Variants in SIPA1L3 observed in about 807,000 individuals in gnomAD.
SIPA1L3 encodes signal-induced proliferation-associated 1-like protein 3.
In SIPA1L3, 59 loss-of-function variants were observed where a neutral mutation model predicts 150.1. The ratio of observed to expected loss-of-function variants is 0.39; its 90% confidence interval spans 0.32 to 0.49. The LOEUF (loss-of-function observed/expected upper bound fraction) is 0.49. Among genes scored for constraint, SIPA1L3 ranks in the 20% least tolerant of loss-of-function variants. SIPA1L3 has a pLI of 0.86. For synonymous variants in SIPA1L3, 1,070 were observed against 1,077.6 expected (o/e 0.99, Z 0.14); for missense variants, 2,211 against 2,489.5 (o/e 0.89, Z 2.38).
chr19:37,919,705 CT>C (rs10644508), intron 1 of SIPA1L3, among the ~76,000 whole-genome samples: 95 of 84,246 alleles, frequency 1.1e-3, no homozygotes, highest in South Asian at 2.0e-3. Flanking sequence ...GGCCCTGAGG[CT>C]TTTTTTTTTT....
At chr19:37,937,344 T>C (rs2046609434) in intron 1 of SIPA1L3, among the ~76,000 whole-genome samples, 2 of 152,194 alleles carry the variant, frequency 1.3e-5, no homozygotes, top group Non-Finnish European at 2.9e-5. Flanking sequence ...TGTACCTATG[T>C]GGTACTTCCC....
chr19:38,150,607 A>G (rs569741569), intron 12 of SIPA1L3, among the ~76,000 whole-genome samples: 154 of 144,946 alleles, frequency 1.1e-3, no homozygotes, highest in African/African-American at 3.8e-3. Flanking sequence ...GTCTTGGCTC[A>G]CTGCAACCGC....
At chr19:38,198,261 AC>A in intron 18 of SIPA1L3, 127 bp from the exon 19 acceptor site, 1 of 1,119,100 alleles carries the variant, frequency 8.9e-7, no homozygotes, top group Non-Finnish European at 1.2e-6. Context: ...GCACTCCCAG[AC>A]CCCTTACCCT....
intron 8 of SIPA1L3, among the ~76,000 whole-genome samples, chr19:38,118,615 C>T (rs1970943035): frequency 6.6e-6 from 1 of 151,750 alleles, no homozygotes; most frequent in Non-Finnish European, 1.5e-5. Context: ...CTCACTGCAA[C>T]CTCCGCCTCC....
At chr19:38,079,015 T>C (rs921877766) in intron 2 of SIPA1L3, among the ~76,000 whole-genome samples, 1 of 152,198 alleles carries the variant, frequency 6.6e-6, no homozygotes, top group Non-Finnish European at 1.5e-5. Flanking sequence ...AGAGGCCATC[T>C]GTTCACTCAT....
At chr19:37,937,768 C>T (rs1286661876) in intron 1 of SIPA1L3, among the ~76,000 whole-genome samples, 3 of 44,306 alleles carry the variant, frequency 6.8e-5, no homozygotes, top group East Asian at 6.8e-4. Context: ...AAAAAAAGAC[C>T]AGGCACGGTG....
chr19:38,190,902 G>C (rs184463564), intron 16 of SIPA1L3, among the ~76,000 whole-genome samples: 1 of 152,136 alleles, frequency 6.6e-6, no homozygotes, highest in Non-Finnish European at 1.5e-5. Flanking sequence ...CACACCATAC[G>C]TGTTTCCTGC....
intron 2 of SIPA1L3, among the ~76,000 whole-genome samples, chr19:38,075,813 C>G (rs1969825440): frequency 6.6e-6 from 1 of 150,864 alleles, no homozygotes; most frequent in African/African-American, 2.4e-5. Context: ...AAAGATCTTG[C>G]AGGTGAACCA....
chr19:38,112,458 A>G (rs1356134099), intron 8 of SIPA1L3, among the ~76,000 whole-genome samples: 1 of 152,184 alleles, frequency 6.6e-6, no homozygotes, highest in East Asian at 1.9e-4. Flanking sequence ...ATCAGCCTGC[A>G]GCTGACCTCC....
intron 1 of SIPA1L3, among the ~76,000 whole-genome samples, chr19:37,912,311 G>A (rs2046383436): frequency 6.6e-6 from 1 of 152,098 alleles, no homozygotes; most frequent in Admixed American, 6.5e-5. Context: ...AAACTCTGGG[G>A]CCACATGGTC....
rs1408964088 is a variant in SIPA1L3, at chr19:38,004,017, CAG to C, written c.-378-25071_-378-25070del. ...CTGAACAAAGGAACTACAAACAAGACAGGGGAGGGATGTGGCTGATTGCTCAC... is the reference window on the plus strand; with the variant it reads ...CTGAACAAAGGAACTACAAACAAGACGGGAGGGATGTGGCTGATTGCTCAC... On this transcript the variant is annotated intron_variant, in intron 1 of 21. Coordinates refer to ENST00000222345, the MANE Select transcript of SIPA1L3 (RefSeq NM_015073.3). Among the ~76,000 whole-genome samples, 8 of 151,762 alleles carry C rather than the reference CAG, an allele frequency of 5.3e-5. No individual in the cohort carries two copies. In the South Asian group the frequency reaches 1.0e-3, roughly 20 times the overall value.
chr19:38,089,655 A>G (rs1421255033), intron 4 of SIPA1L3, among the ~76,000 whole-genome samples: 3 of 152,262 alleles, frequency 2.0e-5, no homozygotes, highest in Non-Finnish European at 2.9e-5. Flanking sequence ...CATTCTGAGT[A>G]GAGAAGCCCA....
chr19:38,100,868 G>T (rs375913684), intron 5 of SIPA1L3, among the ~76,000 whole-genome samples, 184 bp from the exon 6 acceptor site: 2 of 152,224 alleles, frequency 1.3e-5, no homozygotes, highest in Non-Finnish European at 2.9e-5. Context: ...TGGAAGGGAG[G>T]GGGAGGGACA....
intron 2 of SIPA1L3, among the ~76,000 whole-genome samples, chr19:38,076,275 C>T (rs529025811): frequency 2.0e-4 from 30 of 152,206 alleles, no homozygotes; most frequent in African/African-American, 7.2e-4. Flanking sequence ...AAAATATACA[C>T]AAATGCATTC....
intron 16 of SIPA1L3, among the ~76,000 whole-genome samples, chr19:38,190,227 TG>T (rs1240673701): frequency 1.2e-3 from 178 of 152,336 alleles, no homozygotes; most frequent in African/African-American, 4.0e-3. Context: ...AGGCCAGGCC[TG>T]CTTCCTCACT....
intron 1 of SIPA1L3, among the ~76,000 whole-genome samples, chr19:38,022,515 T>C (rs1968397251): frequency 1.3e-5 from 2 of 150,992 alleles, no homozygotes; most frequent in South Asian, 4.2e-4. Flanking sequence ...CTGGCTAACA[T>C]GGTGAAACCC....
At position 38,083,041 on chromosome 19, in the gene SIPA1L3, C is replaced by A; in HGVS notation, c.1476C>A (p.Tyr492Ter). Residue 492 changes from tyrosine (Y) to a stop codon, truncating the protein, a stop_gained, in exon 3 of 22, where the codon TAC becomes TAA. Coordinates refer to ENST00000222345, the MANE Select transcript of SIPA1L3 (RefSeq NM_015073.3). LOFTEE classifies it high-confidence loss of function. ...QQRTQSRPRQ[Y>*]SIEHVDLGAR... ...GGACGCAGAGTCGGCCCCGGCAGTA[C>A]AGCATCGAGCATGTGGACCTGGGCG... The A allele has an allele frequency of 6.2e-7, 1 of 1,613,032 alleles. No homozygotes were observed. The highest frequency in any genetic ancestry group is 8.5e-7 in the Non-Finnish European group (1 of 1,180,032).
At chr19:38,038,699 A>G (rs1390270652) in intron 2 of SIPA1L3, among the ~76,000 whole-genome samples, 5 of 152,126 alleles carry the variant, frequency 3.3e-5, no homozygotes, top group African/African-American at 1.2e-4. Flanking sequence ...ACACCCAGGA[A>G]CATCTTCTAC....
In SIPA1L3 at chr19:38,152,748, C is replaced by T. The variant is rs528886734; in HGVS notation, c.3534-92C>T. The T allele has an allele frequency of 1.7e-5, 25 of 1,434,182 alleles. No individual in the cohort carries two copies. The South Asian group carries it at 3.5e-4, about 20-fold the overall frequency. The allele number at this position is 1,434,182 out of a possible 1,614,324, so 88.8% of individuals were successfully genotyped here. A position where few individuals can be genotyped will look rare whatever the true frequency, so the allele number is the denominator to read the frequency against. On this transcript the variant is annotated intron_variant, in intron 12 of 21. Coordinates refer to ENST00000222345, the MANE Select transcript of SIPA1L3 (RefSeq NM_015073.3). ...AGCGGAGCCTCCCGTGTGTCTAAAA[C>T]CCACTGGCGAGCAAGGCTCAGGCTC...
Sources: gnomAD v4.1 joint callset for allele counts (sites outside exome capture counted in the v4.1 genomes callset) on GRCh38, gnomAD v4.1.1 for gene constraint, MANE v1.5 for transcripts, NCBI Gene and HGNC (gene_info 2026-07-23, HGNC 2026-07-21) for gene names.